The following SMIM27 variants were observed in gnomAD, a reference collection of about 807,000 sequenced individuals.
The protein encoded by SMIM27 is TOPORS antisense RNA 1 (non-protein coding).
In SMIM27, 3 loss-of-function variants were observed where a neutral mutation model predicts 1.8. The observed-to-expected ratio is 1.65, with a 90% CI of 0.75 to 4.28. SMIM27 has a LOEUF of 4.28. SMIM27 is among the 30% of genes most tolerant of loss of function. The pLI is 0.02. For synonymous variants in SMIM27, 19 were observed against 13.9 expected, an observed-to-expected ratio of 1.37 and a Z score of -0.82; for missense variants, 63 against 37.0, an observed-to-expected ratio of 1.70 and a Z score of -1.83.
At chr9:32,564,889 C>T (rs75814172) in intron 1 of SMIM27, among the ~76,000 whole-genome samples, 13 of 152,306 alleles carry the variant, frequency 8.5e-5, no homozygotes, top group African/African-American at 2.4e-4. Context: ...ATGAAATTAA[C>T]GATCGCTCAC....
chr9:32,558,506 A>C (rs1337987004), intron 1 of SMIM27, among the ~76,000 whole-genome samples: 11 of 152,212 alleles, frequency 7.2e-5, no homozygotes, highest in Admixed American at 7.2e-4. Context: ...AAGCCATAGG[A>C]CATGAGAGTT....
downstream of SMIM27, among the ~76,000 whole-genome samples, chr9:32,557,677 C>T (rs544693956): frequency 2.1e-4 from 32 of 152,064 alleles, no homozygotes; most frequent in South Asian, 6.4e-3. Context: ...CGGGGTTTCA[C>T]CATGTTGGCC....
At chr9:32,552,734 G>A in intron 1 of SMIM27, 67 bp from the exon 2 acceptor site, 2 of 679,422 alleles carry the variant, frequency 2.9e-6, no homozygotes, top group South Asian at 1.6e-5. Flanking sequence ...AATGGCAACG[G>A]TAACCTGACG....
chr9:32,564,395 G>T (rs1314493199), intron 1 of SMIM27, among the ~76,000 whole-genome samples: 4 of 151,694 alleles, frequency 2.6e-5, no homozygotes, highest in Non-Finnish European at 4.4e-5. Context: ...CTTATAAATA[G>T]AAGGTTTTAG....
chr9:32,556,313 T>C (rs1008192877), downstream of SMIM27, among the ~76,000 whole-genome samples: 2 of 152,210 alleles, frequency 1.3e-5, no homozygotes, highest in Non-Finnish European at 2.9e-5. Flanking sequence ...GCAGAAGTGA[T>C]GTAAGCTACT....
downstream of SMIM27, chr9:32,553,604 A>C (rs750556745): frequency 2.5e-4 from 98 of 386,178 alleles, 1 homozygote; most frequent in Non-Finnish European, 4.0e-4. Flanking sequence ...GTGTAAGAAA[A>C]AAACAAACAA....
At chr9:32,561,740 A>G (rs1821633214) in intron 1 of SMIM27, among the ~76,000 whole-genome samples, 1 of 152,132 alleles carries the variant, frequency 6.6e-6, no homozygotes. Flanking sequence ...CTTTGGTTTT[A>G]TCCCCAACTT....
chr9:32,558,189 G>A (rs902452726), intron 1 of SMIM27, among the ~76,000 whole-genome samples: 6 of 146,210 alleles, frequency 4.1e-5, no homozygotes, highest in Non-Finnish European at 7.4e-5. Context: ...TCGGCTCACT[G>A]CAAGCTCCAC....
At chr9:32,553,944 C>G (rs751630084), downstream of SMIM27, 3 of 1,579,778 alleles carry the variant, frequency 1.9e-6, no homozygotes, top group South Asian at 3.3e-5. Context: ...ATTGTATCAC[C>G]CTAGGAAAAC....
chr9:32,557,694 G>A (rs1021964059), downstream of SMIM27, among the ~76,000 whole-genome samples: 2 of 151,940 alleles, frequency 1.3e-5, no homozygotes, highest in African/African-American at 4.8e-5. Flanking sequence ...GGCCAGGCTG[G>A]TCTCGAAGTT....
At chr9:32,553,857 T>C (rs1250461338), downstream of SMIM27, 8 of 1,517,606 alleles carry the variant, frequency 5.3e-6, no homozygotes, top group Non-Finnish European at 7.3e-6. Context: ...CATAAGCCTT[T>C]TAACTTTTTA....
downstream of SMIM27, chr9:32,553,585 G>GT (rs1397226641): frequency 1.5e-5 from 5 of 343,558 alleles, no homozygotes; most frequent in Admixed American, 4.6e-5. Flanking sequence ...CCAAATTAGT[G>GT]TAAGTACTGT....
At position 32,552,382 on chromosome 9, in the gene SMIM27, T is replaced by A. The variant is rs768763994; in HGVS notation, c.-53T>A. The A allele has an allele frequency of 2.1e-5, 33 of 1,604,462 alleles. No individual in the cohort carries two copies. Among genetic ancestry groups the A allele is most frequent in the Non-Finnish European group, 2.7e-5 (32 of 1,176,022 alleles). ...TGGCAGCCACCGCCTGGGAGGTTAC[T>A]GTAAGGCCCGCAGCTCCCGCCAGCT... is the stretch of plus-strand genomic sequence containing the variant. On this transcript the variant is annotated 5_prime_UTR_variant, in exon 1 of 2. Transcript: ENST00000692500.
downstream of SMIM27, among the ~76,000 whole-genome samples, chr9:32,555,119 T>C (rs192313809): frequency 2.3e-3 from 344 of 151,250 alleles, no homozygotes; most frequent in African/African-American, 7.3e-3. Context: ...GTTAATAGAA[T>C]CTAAAAATTT....
intron 1 of SMIM27, among the ~76,000 whole-genome samples, chr9:32,561,886 T>G (rs1250361342): frequency 6.6e-6 from 1 of 152,246 alleles, no homozygotes; most frequent in Non-Finnish European, 1.5e-5. Flanking sequence ...CCAGCTGATC[T>G]GCCCTGCTGT....
chr9:32,551,163 G>C, upstream of SMIM27: 1 of 671,104 alleles, frequency 1.5e-6, no homozygotes, highest in Non-Finnish European at 2.6e-6. Context: ...CCAGACCCCG[G>C]AGGAGGGCAG....
chr9:32,555,929 A>C (rs2118999325), downstream of SMIM27, among the ~76,000 whole-genome samples: 1 of 152,364 alleles, frequency 6.6e-6, no homozygotes, highest in South Asian at 2.1e-4. Context: ...AGAACCAGTG[A>C]CTACTATGCT....
At chr9:32,563,907 A>G (rs1049034583) in intron 1 of SMIM27, among the ~76,000 whole-genome samples, 7 of 152,126 alleles carry the variant, frequency 4.6e-5, no homozygotes, top group African/African-American at 1.4e-4. Context: ...TGTTCCCATC[A>G]TTCTTTCAGC....
chr9:32,554,006 TCTGTTCTATG>T, downstream of SMIM27: 1 of 1,083,956 alleles, frequency 9.2e-7, no homozygotes, highest in Non-Finnish European at 1.4e-6. Flanking sequence ...ATAGTTCTAT[TCTGTTCTATG>T]TTCATCAGAT....
Sources: gnomAD v4.1 joint callset for allele counts (sites outside exome capture counted in the v4.1 genomes callset) on GRCh38, gnomAD v4.1.1 for gene constraint, MANE v1.5 for transcripts, NCBI Gene and HGNC (gene_info 2026-07-23, HGNC 2026-07-21) for gene names.